FAF2: variants seen among roughly 807,000 people sequenced by gnomAD.
FAF2 encodes the protein FAS-associated factor 2.
FAF2 carries 9 observed loss-of-function variants against 62.3 expected under a neutral mutation model. The ratio of observed to expected loss-of-function variants is 0.14; its 90% CI spans 0.09 to 0.25. FAF2 has a LOEUF of 0.25. Ranked by LOEUF, FAF2 falls within the 10% of genes least tolerant of loss-of-function variation. FAF2 has a pLI of 1.00. For synonymous variants in FAF2, 202 were observed against 198.0 expected (o/e 1.02, Z -0.17); for missense variants, 368 against 556.2 (o/e 0.66, Z 3.40).
At chr5:176,456,304 T>C (rs532932277) in intron 1 of FAF2, among the ~76,000 whole-genome samples, 1 of 152,182 alleles carries the variant, frequency 6.6e-6, no homozygotes, top group Non-Finnish European at 1.5e-5. Flanking sequence ...ATTCCTGACC[T>C]GAGGTGATCC....
At chr5:176,470,926 G>T (rs1057056891) in intron 1 of FAF2, among the ~76,000 whole-genome samples, 6 of 152,080 alleles carry the variant, frequency 3.9e-5, no homozygotes, top group Admixed American at 6.6e-5. Flanking sequence ...AGCAATGAGG[G>T]ATTATATATC....
chr5:176,492,096 G>T (rs548474143), intron 4 of FAF2, 98 bp from the exon 5 acceptor site: 15 of 1,396,282 alleles, frequency 1.1e-5, no homozygotes, highest in Non-Finnish European at 1.0e-6. Context: ...CTTTGTTGCC[G>T]TGCCTCTGGC....
chr5:176,451,873 C>T (rs1254152742), intron 1 of FAF2, among the ~76,000 whole-genome samples: 4 of 26,404 alleles, frequency 1.5e-4, no homozygotes, highest in African/African-American at 2.9e-4. Flanking sequence ...TATATATACA[C>T]ACATATATAT....
At chr5:176,454,577 G>GGA (rs1460007409) in intron 1 of FAF2, among the ~76,000 whole-genome samples, 7 of 95,302 alleles carry the variant, frequency 7.3e-5, no homozygotes, top group African/African-American at 2.2e-4. Context: ...GATTCTGTCT[G>GGA]AAAAAAAAAA....
At chr5:176,505,314 C>T (rs1432197279) in intron 10 of FAF2, among the ~76,000 whole-genome samples, 1 of 152,200 alleles carries the variant, frequency 6.6e-6, no homozygotes, top group Non-Finnish European at 1.5e-5. Context: ...AGGCATCTCA[C>T]ACACAGTTTA....
intron 1 of FAF2, among the ~76,000 whole-genome samples, chr5:176,470,821 G>T (rs1360850924): frequency 6.6e-6 from 1 of 152,182 alleles, no homozygotes; most frequent in Non-Finnish European, 1.5e-5. Context: ...CTCACACAAT[G>T]CATTTAATGT....
At chr5:176,477,482 AG>A (rs1212476850) in intron 1 of FAF2, among the ~76,000 whole-genome samples, 10 of 152,100 alleles carry the variant, frequency 6.6e-5, no homozygotes, top group Non-Finnish European at 1.3e-4. Flanking sequence ...CTGAAAGTTA[AG>A]GGGGTCCTAT....
At chr5:176,483,398 T>C (rs1488078407) in intron 2 of FAF2, among the ~76,000 whole-genome samples, 1 of 152,232 alleles carries the variant, frequency 6.6e-6, no homozygotes, top group African/African-American at 2.4e-5. Context: ...CTTTTACATT[T>C]AGGTTTTTGA....
In FAF2 at chr5:176,498,927, C is replaced by A; in HGVS notation, c.853C>A (p.Gln285Lys). 1 of 1,594,210 alleles carries A rather than the reference C, an allele frequency of 6.3e-7. No homozygotes were observed. The highest frequency in any genetic ancestry group is 1.1e-5 in the South Asian group (1 of 88,688). ...ATCTATTCACAGGGAAGAAAGAAAC[C>A]AGACCCAAGTGCTGAGACAACAGCA... Reference protein sequence around the residue: ...SERLEREERNQTQVLRQQQDE... With the variant: ...SERLEREERNKTQVLRQQQDE... Residue 285 changes from glutamine (Q) to lysine (K), a missense_variant, in exon 9 of 11, where the codon CAG (glutamine) becomes AAG (lysine). Gln to Lys is a moderately conservative substitution (Grantham distance 53). This residue lies in a region of FAF2 where 331 missense variants were observed against 441.9 expected (regional missense o/e 0.75). Coordinates refer to ENST00000261942, the MANE Select transcript of FAF2 (RefSeq NM_014613.3).
At chr5:176,486,539 T>A in intron 3 of FAF2, 50 bp downstream of exon 3, 1 of 1,582,362 alleles carries the variant, frequency 6.3e-7, no homozygotes, top group African/African-American at 1.3e-5. Context: ...TATAAGTATA[T>A]CCACTTGGTT....
intron 1 of FAF2, among the ~76,000 whole-genome samples, chr5:176,470,482 C>G: frequency 6.6e-6 from 1 of 152,262 alleles, no homozygotes; most frequent in Non-Finnish European, 1.5e-5. Flanking sequence ...GAGGCTGAGG[C>G]AGGAGAATCA....
intron 10 of FAF2, 115 bp downstream of exon 10, chr5:176,500,261 C>CAG (rs112320561): frequency 0.074 from 65,698 of 892,548 alleles, 1,031 homozygotes; most frequent in African/African-American, 0.096. Context: ...GAACAGGGAA[C>CAG]AGAGAGAGAG....
At chr5:176,452,311 G>A (rs1758203338) in intron 1 of FAF2, among the ~76,000 whole-genome samples, 1 of 152,098 alleles carries the variant, frequency 6.6e-6, no homozygotes, top group Non-Finnish European at 1.5e-5. Context: ...ACCTGCCTCG[G>A]CCTCCCAAAG....
chr5:176,477,106 C>CT (rs1758712309), intron 1 of FAF2, among the ~76,000 whole-genome samples: 1 of 143,666 alleles, frequency 7.0e-6, no homozygotes, highest in African/African-American at 2.7e-5. Flanking sequence ...CCGTGCCCGG[C>CT]CTTTTTTTTT....
chr5:176,465,777 A>G (rs565230513), intron 1 of FAF2, among the ~76,000 whole-genome samples: 10 of 152,194 alleles, frequency 6.6e-5, no homozygotes, highest in Non-Finnish European at 8.8e-5. Flanking sequence ...GAATCACTTG[A>G]ACCCAGGAGG....
At chr5:176,493,599 G>A (rs1180823245) in intron 5 of FAF2, among the ~76,000 whole-genome samples, 1 of 152,190 alleles carries the variant, frequency 6.6e-6, no homozygotes, top group African/African-American at 2.4e-5. Context: ...TTACTTACAA[G>A]GATGTTGTAG....
At chr5:176,478,478 C>T (rs532351088) in intron 1 of FAF2, among the ~76,000 whole-genome samples, 3 of 150,092 alleles carry the variant, frequency 2.0e-5, no homozygotes, top group South Asian at 4.2e-4. Flanking sequence ...GACCCTGTCT[C>T]GAAAAAAAAG....
chr5:176,484,895 A>G (rs1329752808), intron 2 of FAF2, among the ~76,000 whole-genome samples: 1 of 77,450 alleles, frequency 1.3e-5, no homozygotes, highest in East Asian at 6.2e-4. Flanking sequence ...CCATCTCAAG[A>G]AAAAAAAAAA....
At chr5:176,468,969 G>A (rs1758516381) in intron 1 of FAF2, among the ~76,000 whole-genome samples, 2 of 152,040 alleles carry the variant, frequency 1.3e-5, no homozygotes, top group Non-Finnish European at 2.9e-5. Flanking sequence ...TTTAGGCTGG[G>A]CGTGGTGCCT....
Sources: gnomAD v4.1 joint callset for allele counts (sites outside exome capture counted in the v4.1 genomes callset) on GRCh38, gnomAD v4.1.1 for gene constraint, gnomAD v4.1.1 regional missense constraint, MANE v1.5 for transcripts, NCBI Gene and HGNC (gene_info 2026-07-23, HGNC 2026-07-21) for gene names.